The following TRAPPC6B variants were observed in gnomAD, a reference collection of about 807,000 sequenced individuals.
The protein encoded by TRAPPC6B is trafficking protein particle complex subunit 6B, also known as TRAPP complex subunit 6B.
In TRAPPC6B, 27 loss-of-function variants were observed where a neutral mutation model predicts 24.7. That is an observed-to-expected ratio of 1.09 (90% CI 0.81 to 1.51). The LOEUF (loss-of-function observed/expected upper bound fraction) is 1.51. Ranked by LOEUF, TRAPPC6B falls within the 40% of genes most tolerant of loss-of-function variation. TRAPPC6B has a pLI of 0.00. For missense variants in TRAPPC6B, 212 were observed against 190.8 expected, an observed-to-expected ratio of 1.11 and a Z score of -0.66; for synonymous variants, 80 against 66.6, an observed-to-expected ratio of 1.20 and a Z score of -0.98.
rs754492613 is a variant in TRAPPC6B, at chr14:39,148,855, T to C, written c.*1495A>G. 1.0e-5 allele frequency: 4 copies of C among 397,690 alleles called. No individual in the cohort carries two copies. Among genetic ancestry groups the C allele is most frequent in the African/African-American group, 6.2e-5 (3 of 48,620 alleles). The allele number at this position is 397,690 out of a possible 1,614,324, so 24.6% of individuals were successfully genotyped here. A position where few individuals can be genotyped will look rare whatever the true frequency, so the allele number is the denominator to read the frequency against. On this transcript the variant is annotated 3_prime_UTR_variant, in exon 6 of 6. Coordinates refer to ENST00000330149, the MANE Select transcript of TRAPPC6B (RefSeq NM_001079537.2). ...CAGAGTGTACTTACACAAACCTAGATGGTATGATCTACTATACACCTAAGC... is the reference window on the plus strand; with the variant it reads ...CAGAGTGTACTTACACAAACCTAGACGGTATGATCTACTATACACCTAAGC...
At chr14:39,154,159 T>C (rs1347929070) in intron 4 of TRAPPC6B, 52 bp downstream of exon 4, 1 of 1,112,680 alleles carries the variant, frequency 9.0e-7, no homozygotes, top group African/African-American at 1.5e-5. Flanking sequence ...ACTGTACTTT[T>C]CCCTGTAGTC....
intron 1 of TRAPPC6B, among the ~76,000 whole-genome samples, chr14:39,169,019 G>A (rs1466727222): frequency 6.6e-6 from 1 of 152,262 alleles, no homozygotes; most frequent in Admixed American, 6.5e-5. Flanking sequence ...CTAGTCCAAA[G>A]AAATGCTTAA....
chr14:39,157,765 TG>T, intron 3 of TRAPPC6B: 1 of 240,006 alleles, frequency 4.2e-6, no homozygotes, highest in Non-Finnish European at 8.3e-6. Flanking sequence ...CCACTGTCAC[TG>T]GGGAGGCAAT....
At chr14:39,168,426 GA>G (rs2053131140) in intron 1 of TRAPPC6B, among the ~76,000 whole-genome samples, 1 of 152,022 alleles carries the variant, frequency 6.6e-6, no homozygotes, top group African/African-American at 2.4e-5. Flanking sequence ...TTTGTGACTT[GA>G]AAAAAATCTC....
chr14:39,169,998 T>C lies in TRAPPC6B; in HGVS notation c.81+17A>G, dbSNP rs2053150959. The C allele has an allele frequency of 1.2e-6, 2 of 1,613,114 alleles. No homozygotes were observed. The highest frequency in any genetic ancestry group is 1.7e-6 in the Non-Finnish European group (2 of 1,179,092). On this transcript the variant is annotated intron_variant, in intron 1 of 5. Coordinates refer to ENST00000330149, the MANE Select transcript of TRAPPC6B (RefSeq NM_001079537.2). ...TGTCACCGCAAAAGGACCTCAAGGT[T>C]GTGTGGCAGCACTCACCACCTCCCC...
At chr14:39,157,624 A>T in intron 3 of TRAPPC6B, 1 of 363,084 alleles carries the variant, frequency 2.8e-6, no homozygotes, top group South Asian at 2.2e-5. Flanking sequence ...GGGGAAGGCA[A>T]GACTGGGATG....
chr14:39,167,388 T>C (rs1352544942), intron 1 of TRAPPC6B, among the ~76,000 whole-genome samples: 3 of 151,962 alleles, frequency 2.0e-5, no homozygotes, highest in African/African-American at 7.3e-5. Flanking sequence ...TTATTTCATT[T>C]AAAAAAACTT....
chr14:39,170,037 T>A lies in TRAPPC6B; in HGVS notation c.59A>T (p.Lys20Met). 6.2e-7 allele frequency: 1 copy of A among 1,614,166 alleles called. No individual in the cohort carries two copies. The highest frequency in any genetic ancestry group is 8.5e-7 in the Non-Finnish European group (1 of 1,180,018). ...LHNEMVSGVY[K>M]SAEQGEVENG... ...CACCACCTCCCCCTGCTCCGCGGAC[T>A]TGTACACTCCAGACACCATCTCGTT... is the stretch of plus-strand genomic sequence containing the variant. Residue 20 changes from lysine (K) to methionine (M), a missense_variant, in exon 1 of 6, where the codon AAG becomes ATG. Physicochemically the swap from Lys to Met is moderately conservative, Grantham distance 95 (BLOSUM62 -1). Coordinates refer to ENST00000330149, the MANE Select transcript of TRAPPC6B (RefSeq NM_001079537.2).
intron 1 of TRAPPC6B, among the ~76,000 whole-genome samples, chr14:39,163,373 G>T (rs1031889968): frequency 3.0e-4 from 29 of 97,678 alleles, no homozygotes; most frequent in East Asian, 5.7e-4. Flanking sequence ...TTCATCACCA[G>T]AAAAAAAAAA....
intron 3 of TRAPPC6B, 22 bp from the exon 4 acceptor site, chr14:39,154,316 A>T (rs1308523737): frequency 6.6e-7 from 1 of 1,521,850 alleles, no homozygotes; most frequent in Admixed American, 1.7e-5. Flanking sequence ...ATAGAAAAAA[A>T]ATCCAAAGTC....
chr14:39,154,444 G>A (rs573591246), intron 3 of TRAPPC6B, 150 bp from the exon 4 acceptor site: 20 of 590,084 alleles, frequency 3.4e-5, no homozygotes, highest in African/African-American at 1.9e-4. Flanking sequence ...TCTTTGAGAC[G>A]GGGTCTCCTC....
chr14:39,152,188 A>G (rs1158914155), intron 4 of TRAPPC6B, among the ~76,000 whole-genome samples: 1 of 152,230 alleles, frequency 6.6e-6, no homozygotes, highest in African/African-American at 2.4e-5. Context: ...GATTCTAAGT[A>G]GATACAGTCT....
At chr14:39,166,324 G>A (rs1294337628) in intron 1 of TRAPPC6B, among the ~76,000 whole-genome samples, 1 of 151,544 alleles carries the variant, frequency 6.6e-6, no homozygotes, top group Non-Finnish European at 1.5e-5. Flanking sequence ...GCTCTTTTTG[G>A]AATAATCTGC....
rs745726096 is a variant in TRAPPC6B at position 39,151,709 on chromosome 14, T to C, written c.445+37A>G. 3 of 1,442,404 alleles carry C rather than the reference T, an allele frequency of 2.1e-6. No individual in the cohort carries two copies. In the Admixed American group the frequency reaches 7.0e-5, roughly 33 times the overall value. 89.4% of individuals were successfully genotyped at this position (1,442,404 alleles called of 1,614,324 possible). A position where few individuals can be genotyped will look rare whatever the true frequency, so the allele number is the denominator to read the frequency against. ...AAAAAAAACAGACCTGAAAACAAATTACTAAAACATTTGTAAGAAAGGCGA... is the reference window on the plus strand; with the variant it reads ...AAAAAAAACAGACCTGAAAACAAATCACTAAAACATTTGTAAGAAAGGCGA... On this transcript the variant is annotated intron_variant, in intron 5 of 5. Coordinates refer to ENST00000330149, the MANE Select transcript of TRAPPC6B (RefSeq NM_001079537.2).
intron 1 of TRAPPC6B, among the ~76,000 whole-genome samples, chr14:39,161,438 C>T (rs1051081387): frequency 8.5e-5 from 13 of 152,200 alleles, no homozygotes; most frequent in Admixed American, 2.0e-4. Context: ...AGCAACAGTG[C>T]TTACGTCACT....
chr14:39,165,207 G>A (rs1252092288), intron 1 of TRAPPC6B, among the ~76,000 whole-genome samples: 10 of 151,896 alleles, frequency 6.6e-5, no homozygotes, highest in Admixed American at 1.3e-4. Flanking sequence ...CACCACGCCC[G>A]GCTAATTTTT....
In TRAPPC6B at chr14:39,170,242, A is replaced by G. The variant is rs2053155353; in HGVS notation, c.-147T>C. ...GTGGCTAAGAGACCGAGGTATTCAC[A>G]CGACTTCCCAAAGGCTGGTACTGAA... On this transcript the variant is annotated 5_prime_UTR_variant, in exon 1 of 6. Coordinates refer to ENST00000330149, the MANE Select transcript of TRAPPC6B (RefSeq NM_001079537.2). The G allele has an allele frequency of 1.2e-5, 8 of 676,740 alleles. No individual in the cohort carries two copies. The Admixed American group carries it at 2.2e-4, about 19-fold the overall frequency. 41.9% of individuals were successfully genotyped at this position (676,740 alleles called of 1,614,324 possible). A position where few individuals can be genotyped will look rare whatever the true frequency, so the allele number is the denominator to read the frequency against.
chr14:39,152,419 A>T (rs192296308), intron 4 of TRAPPC6B, among the ~76,000 whole-genome samples: 2 of 152,316 alleles, frequency 1.3e-5, no homozygotes, highest in Non-Finnish European at 2.9e-5. Context: ...TATAGAAACA[A>T]AGAAAGGGAA....
At chr14:39,168,714 C>A (rs538952124) in intron 1 of TRAPPC6B, among the ~76,000 whole-genome samples, 1 of 152,294 alleles carries the variant, frequency 6.6e-6, no homozygotes, top group East Asian at 1.9e-4. Flanking sequence ...CACTCCCATC[C>A]TTAAACAAGG....
Sources: allele counts gnomAD v4.1 joint callset (sites outside exome capture counted in the v4.1 genomes callset), GRCh38; gene constraint gnomAD v4.1.1; transcripts MANE v1.5; gene names NCBI Gene and HGNC (gene_info 2026-07-23, HGNC 2026-07-21).